The following CENPI variants were observed in gnomAD, a reference collection of about 807,000 sequenced individuals.
CENPI encodes centromere protein I, also known as FSH primary response 1.
Under a neutral mutation model 60.4 loss-of-function variants are expected in CENPI, and 4 were observed. The ratio of observed to expected loss-of-function variants is 0.07; its 90% CI spans 0.03 to 0.15. The LOEUF is 0.15. CENPI is among the 10% of genes least tolerant of loss of function. The probability of loss-of-function intolerance (pLI) is 1.00; values close to 1 mark genes in which losing one functional copy is unlikely to be tolerated. For missense variants in CENPI, 444 were observed against 534.5 expected, an observed-to-expected ratio of 0.83 and a Z score of 1.67; for synonymous variants, 157 against 189.4, an observed-to-expected ratio of 0.83 and a Z score of 1.40.
chrX:101,148,357 A>C (rs1450662826), intron 20 of CENPI, among the ~76,000 whole-genome samples, 196 bp downstream of exon 20: 3 of 111,495 alleles, frequency 2.7e-5, no homozygotes, highest in Non-Finnish European at 5.6e-5. Flanking sequence ...CCTCTAAGAG[A>C]GCTTGAGCTT....
intron 15 of CENPI, among the ~76,000 whole-genome samples, chrX:101,136,712 G>C (rs1452831728): frequency 9.4e-6 from 1 of 106,161 alleles, no homozygotes; most frequent in African/African-American, 3.5e-5. Context: ...TGTTATATTT[G>C]TTTTAGAGTG....
chrX:101,148,408 T>C (rs138750919), intron 20 of CENPI, among the ~76,000 whole-genome samples: 195 of 111,647 alleles, frequency 1.7e-3, no homozygotes, highest in South Asian at 0.015. Context: ...TATAATACAG[T>C]GTGGCAAAAT....
At chrX:101,146,915 T>C (rs1329827162) in intron 18 of CENPI, among the ~76,000 whole-genome samples, 1 of 110,720 alleles carries the variant, frequency 9.0e-6, no homozygotes, top group Non-Finnish European at 1.9e-5. Context: ...TTTGTATTTT[T>C]AGTAGAGATG....
intron 7 of CENPI, 29 bp from the exon 8 acceptor site, chrX:101,120,709 A>G (rs760934453): frequency 8.4e-7 from 1 of 1,184,575 alleles, no homozygotes; most frequent in South Asian, 1.8e-5. Flanking sequence ...ATCCAAATGC[A>G]TAGTACGTCT....
At chrX:101,162,454 TCAAA>T (rs1449569350) in intron 21 of CENPI, among the ~76,000 whole-genome samples, 2 of 47,906 alleles carry the variant, frequency 4.2e-5, no homozygotes, top group Non-Finnish European at 3.6e-5. Context: ...AAACCGTATC[TCAAA>T]AAAAAAAAAA....
the CENPI span, among the ~76,000 whole-genome samples, chrX:101,172,473 A>C: frequency 2.7e-5 from 3 of 111,680 alleles, no homozygotes; most frequent in Admixed American, 9.6e-5. Flanking sequence ...AAAAAAAAAA[A>C]CATATATTAT....
chrX:101,126,607 G>A lies in CENPI; in HGVS notation c.688-102G>A, dbSNP rs191723023. The A allele has an allele frequency of 2.5e-3, 1,530 of 622,522 alleles. 10 individuals carry two copies. The highest frequency in any genetic ancestry group is 0.017 in the African/African-American group (778 of 45,051). 51.3% of individuals were successfully genotyped at this position (622,522 alleles called of 1,213,427 possible). On this transcript the variant is annotated intron_variant, in intron 8 of 21. Coordinates refer to ENST00000682095, the MANE Select transcript of CENPI (RefSeq NM_001386188.2). ...CATCTTCCTATAGCTATATCTCAGC[G>A]AAATTATGGTCTGAATATACTTTTT...
At position 101,145,140 on chromosome X, in the gene CENPI, A is replaced by C. The variant is rs146830836; in HGVS notation, c.1642A>C (p.Met548Leu). 85 of 1,204,220 alleles carry C rather than the reference A, an allele frequency of 7.1e-5. No homozygotes were observed. The African/African-American group carries it at 1.3e-3, about 19-fold the overall frequency. ...TGTAGGGTGGCTATCCACTACTGCA[A>C]TGCGCTTGGAGAGCAACAATACTTT... ...HYVGWLSTTAMRLESNNTFLL... is the reference protein window; with the variant it reads ...HYVGWLSTTALRLESNNTFLL... Residue 548 changes from methionine (M) to leucine (L), a missense_variant, in exon 17 of 22, where the codon ATG becomes CTG. By Grantham distance (15) the Met-to-Leu change is conservative. Coordinates refer to ENST00000682095, the MANE Select transcript of CENPI (RefSeq NM_001386188.2).
chrX:101,180,566 C>T, the CENPI span, among the ~76,000 whole-genome samples: 2 of 112,156 alleles, frequency 1.8e-5, no homozygotes, highest in Admixed American at 9.5e-5. Flanking sequence ...ATACTTTATT[C>T]ATAGTGCCCT....
the CENPI span, among the ~76,000 whole-genome samples, chrX:101,178,389 T>TTTC: frequency 0.027 from 2,274 of 85,630 alleles, 129 homozygotes; most frequent in Non-Finnish European, 0.039. Flanking sequence ...TTCTTCTTCT[T>TTTC]TTCTTCTTCT....
chrX:101,158,632 CTTT>C (rs762674216), intron 20 of CENPI, among the ~76,000 whole-genome samples: 1 of 88,238 alleles, frequency 1.1e-5, no homozygotes. Context: ...ATAGAGATCA[CTTT>C]TTTTTTTTTT....
chrX:101,106,642 CCTGACCTCAG>C (rs1456355532), intron 4 of CENPI, among the ~76,000 whole-genome samples: 1 of 110,740 alleles, frequency 9.0e-6, no homozygotes, highest in Non-Finnish European at 1.9e-5. Context: ...GTCTCGAACT[CCTGACCTCAG>C]GTGATCTCTG....
intron 6 of CENPI, among the ~76,000 whole-genome samples, chrX:101,118,978 C>T (rs1287350340): frequency 1.8e-5 from 2 of 111,013 alleles, no homozygotes; most frequent in African/African-American, 3.3e-5. Flanking sequence ...GTCAGGAGTT[C>T]GAGACCACCC....
intron 20 of CENPI, among the ~76,000 whole-genome samples, chrX:101,155,380 G>T (rs2090043566): frequency 9.0e-6 from 1 of 110,918 alleles, no homozygotes; most frequent in Non-Finnish European, 1.9e-5. Context: ...AGTAGAGATG[G>T]GGTTTTACCA....
rs750036460 is a variant in CENPI, at chrX:101,126,099, T to C, written c.688-610T>C. 8.9e-4 allele frequency among the ~76,000 whole-genome samples: 100 copies of C among 112,503 alleles called. 1 individual carries two copies. The highest frequency in any genetic ancestry group is 3.0e-3 in the African/African-American group (94 of 31,060). ...AGTATTCGATTCAATAAAATTTTAG[T>C]ATAATAAAACAATTTGGTTACTTCC... is the stretch of plus-strand genomic sequence containing the variant. On this transcript the variant is annotated intron_variant, in intron 8 of 21. Transcript: ENST00000682095.
chrX:101,146,404 G>C, intron 18 of CENPI, 127 bp downstream of exon 18: 1 of 673,600 alleles, frequency 1.5e-6, no homozygotes, highest in Non-Finnish European at 2.2e-6. Flanking sequence ...AATGTGGCTT[G>C]CTTTTGGACA....
rs185678077 is a variant in CENPI at position 101,101,342 on chromosome X, A to G, written c.226+46A>G. 13 of 917,056 alleles carry G rather than the reference A, an allele frequency of 1.4e-5. No homozygotes were observed. The Admixed American group carries it at 3.3e-4, about 23-fold the overall frequency. 75.6% of individuals were successfully genotyped at this position (917,056 alleles called of 1,213,427 possible). A position where few individuals can be genotyped will look rare whatever the true frequency, so the allele number is the denominator to read the frequency against. ...TTATGAAACTCCTATTTCTGTAAAA[A>G]TATTCTAGTCTTTTTTTCTTAAGAA... On this transcript the variant is annotated intron_variant, in intron 3 of 21. Transcript: ENST00000682095.
At chrX:101,122,827 G>C (rs2089693590) in intron 8 of CENPI, among the ~76,000 whole-genome samples, 1 of 111,911 alleles carries the variant, frequency 8.9e-6, no homozygotes, top group Non-Finnish European at 1.9e-5. Flanking sequence ...AGTGAGCTGA[G>C]ATCACGCCAG....
At chrX:101,150,411 C>T (rs1049361675) in intron 20 of CENPI, among the ~76,000 whole-genome samples, 3 of 109,413 alleles carry the variant, frequency 2.7e-5, no homozygotes, top group African/African-American at 1.0e-4. Flanking sequence ...CTCTCTGTCC[C>T]CCAGGATGGA....
Sources: allele counts gnomAD v4.1 joint callset (sites outside exome capture counted in the v4.1 genomes callset), GRCh38; gene constraint gnomAD v4.1.1; transcripts MANE v1.5; gene names NCBI Gene and HGNC (gene_info 2026-07-23, HGNC 2026-07-21).